Variants in ANKRD44 observed in about 807,000 individuals in gnomAD.
ANKRD44 encodes the protein ankyrin repeat domain 44, also known as serine/threonine-protein phosphatase 6 regulatory ankyrin repeat subunit B.
Under a neutral mutation model 116.0 loss-of-function variants are expected in ANKRD44, and 35 were observed. The observed-to-expected ratio is 0.30, with a 90% CI of 0.23 to 0.40. ANKRD44 has a LOEUF of 0.40. Among genes scored for constraint, ANKRD44 ranks in the 10% least tolerant of loss-of-function variants. The probability of loss-of-function intolerance (pLI) is 1.00; values close to 1 mark genes in which losing one functional copy is unlikely to be tolerated. For synonymous variants in ANKRD44, 435 were observed against 461.8 expected, an observed-to-expected ratio of 0.94 and a Z score of 0.74; for missense variants, 1,014 against 1,242.6, an observed-to-expected ratio of 0.82 and a Z score of 2.77.
At chr2:197,192,722 G>GT (rs1195094596) in intron 1 of ANKRD44, among the ~76,000 whole-genome samples, 2 of 152,286 alleles carry the variant, frequency 1.3e-5, no homozygotes, top group East Asian at 3.9e-4. Context: ...GAGTTCTGCT[G>GT]TATGATCTCC....
chr2:197,250,499 A>G (rs1449575721), intron 1 of ANKRD44, among the ~76,000 whole-genome samples: 1 of 152,218 alleles, frequency 6.6e-6, no homozygotes, highest in Non-Finnish European at 1.5e-5. Flanking sequence ...GCCACACCGC[A>G]GCTGAATGCC....
intron 18 of ANKRD44, among the ~76,000 whole-genome samples, chr2:197,012,958 A>C (rs746340925): frequency 6.6e-6 from 1 of 152,168 alleles, no homozygotes; most frequent in Non-Finnish European, 1.5e-5. Flanking sequence ...TGGAAGAAAA[A>C]TCCCAGAAAA....
chr2:197,138,056 C>A (rs1010338774), intron 3 of ANKRD44, among the ~76,000 whole-genome samples: 1 of 152,142 alleles, frequency 6.6e-6, no homozygotes, highest in Non-Finnish European at 1.5e-5. Context: ...GATTTCAGCA[C>A]CTGCTGGCCC....
intron 16 of ANKRD44, among the ~76,000 whole-genome samples, chr2:197,062,341 T>C (rs1433742590): frequency 2.0e-5 from 3 of 152,242 alleles, no homozygotes; most frequent in African/African-American, 7.2e-5. Flanking sequence ...GGTATGGCAC[T>C]GGGTATTGAA....
intron 16 of ANKRD44, among the ~76,000 whole-genome samples, chr2:197,040,248 A>AAAAAC (rs1189347721): frequency 5.9e-5 from 9 of 151,630 alleles, no homozygotes; most frequent in Non-Finnish European, 1.0e-4. Context: ...ATCTCAACAA[A>AAAAAC]AAAACAAAAC....
intron 16 of ANKRD44, chr2:197,028,577 C>T (rs1220875071): frequency 6.4e-6 from 1 of 155,142 alleles, no homozygotes; most frequent in African/African-American, 2.4e-5. Flanking sequence ...AGCTACAGCT[C>T]CAGAGGTGAT....
At chr2:197,128,289 C>A (rs953565317) in intron 4 of ANKRD44, among the ~76,000 whole-genome samples, 1 of 152,328 alleles carries the variant, frequency 6.6e-6, no homozygotes, top group South Asian at 2.1e-4. Flanking sequence ...TTCTCTGCAA[C>A]CTCACCAGCA....
chr2:197,251,383 A>C (rs2082313850), intron 1 of ANKRD44, among the ~76,000 whole-genome samples: 1 of 152,176 alleles, frequency 6.6e-6, no homozygotes, highest in Non-Finnish European at 1.5e-5. Flanking sequence ...GTGGGTTACT[A>C]GGTCAAAGAG....
At chr2:197,147,792 G>A in intron 2 of ANKRD44, 1 of 432,556 alleles carries the variant, frequency 2.3e-6, no homozygotes, top group Non-Finnish European at 4.6e-6. Context: ...CACCGTATGG[G>A]ATTAAGTGAT....
chr2:197,114,097 A>G (rs2078652862), intron 8 of ANKRD44, among the ~76,000 whole-genome samples: 1 of 152,230 alleles, frequency 6.6e-6, no homozygotes, highest in Non-Finnish European at 1.5e-5. Context: ...TAAAGTTGAG[A>G]CTAGGGAACC....
At chr2:197,029,103 A>G (rs2076655161) in intron 16 of ANKRD44, among the ~76,000 whole-genome samples, 1 of 151,796 alleles carries the variant, frequency 6.6e-6, no homozygotes, top group Non-Finnish European at 1.5e-5. Flanking sequence ...TACATTAGGT[A>G]TATCTCCTAA....
At chr2:196,975,621 T>C (rs1225491315) in intron 21 of ANKRD44, among the ~76,000 whole-genome samples, 1 of 150,266 alleles carries the variant, frequency 6.7e-6, no homozygotes, top group Non-Finnish European at 1.5e-5. Context: ...CTGTTTTTTT[T>C]TTTTAAAAAA....
At chr2:197,116,308 TAA>T (rs2078706115) in intron 8 of ANKRD44, among the ~76,000 whole-genome samples, 1 of 152,332 alleles carries the variant, frequency 6.6e-6, no homozygotes, top group Admixed American at 6.5e-5. Flanking sequence ...TGGAGGTTGG[TAA>T]AGAGAGCGCC....
chr2:197,086,001 C>T (rs2077913430), intron 13 of ANKRD44, among the ~76,000 whole-genome samples: 1 of 151,856 alleles, frequency 6.6e-6, no homozygotes, highest in African/African-American at 2.4e-5. Context: ...AGAAGAGGGG[C>T]ATGCCATCGG....
chr2:197,089,836 G>C (rs961687079), intron 11 of ANKRD44, 114 bp downstream of exon 11: 20 of 788,580 alleles, frequency 2.5e-5, no homozygotes, highest in Non-Finnish European at 4.2e-5. Context: ...TCATCCTGAC[G>C]AGTCAGGTAA....
intron 1 of ANKRD44, among the ~76,000 whole-genome samples, chr2:197,292,922 C>T (rs1221393299): frequency 6.6e-6 from 1 of 152,176 alleles, no homozygotes; most frequent in Non-Finnish European, 1.5e-5. Context: ...TAAAACATTT[C>T]TTCCCATACT....
intron 16 of ANKRD44, chr2:197,078,480 G>A (rs2077721797): frequency 6.3e-6 from 8 of 1,276,550 alleles, no homozygotes; most frequent in African/African-American, 1.5e-5. Context: ...TTTGTGCTGT[G>A]CTTAAAAGCC....
At chr2:196,978,611 G>C (rs1342860959) in intron 21 of ANKRD44, among the ~76,000 whole-genome samples, 1 of 152,182 alleles carries the variant, frequency 6.6e-6, no homozygotes, top group African/African-American at 2.4e-5. Context: ...TGGGGAGAGA[G>C]AGAGAATAGA....
At chr2:197,264,750 C>T (rs1559199430) in intron 1 of ANKRD44, among the ~76,000 whole-genome samples, 1 of 152,160 alleles carries the variant, frequency 6.6e-6, no homozygotes, top group Non-Finnish European at 1.5e-5. Flanking sequence ...AATATGGGAA[C>T]CTTTCTTTAA....
Sources: gnomAD v4.1 joint callset for allele counts (sites outside exome capture counted in the v4.1 genomes callset) on GRCh38, gnomAD v4.1.1 for gene constraint, MANE v1.5 for transcripts, NCBI Gene and HGNC (gene_info 2026-07-23, HGNC 2026-07-21) for gene names.